Variants in AURKB observed in about 807,000 individuals in gnomAD.
AURKB encodes aurora kinase B-Sv1.
AURKB carries 28 observed loss-of-function variants against 36.5 expected under a neutral mutation model. That is an observed-to-expected ratio of 0.77 (90% CI 0.57 to 1.05). The LOEUF is 1.05. Ranked by LOEUF, AURKB falls within the 50% of genes least tolerant of loss-of-function variation. The pLI is 0.00. For synonymous variants in AURKB, 175 were observed against 172.9 expected (o/e 1.01, Z -0.09); for missense variants, 383 against 447.4 (o/e 0.86, Z 1.30).
chr17:8,207,736 A>G lies in AURKB; in HGVS notation c.151+2T>C. ...CAGTCCTCTCCCCCTTGCGCCAGTT[A>G]CCTGTGGGCTGGACATTGGAGCGGC... On this transcript the variant is annotated splice_donor_variant, in intron 3 of 8. Coordinates refer to ENST00000585124, the MANE Select transcript of AURKB (RefSeq NM_004217.4). LOFTEE classifies it high-confidence loss of function. The G allele has an allele frequency of 6.2e-7, 1 of 1,613,964 alleles. No homozygotes were observed. Among genetic ancestry groups the G allele is most frequent in the Non-Finnish European group, 8.5e-7 (1 of 1,179,928 alleles).
At position 8,210,238 on chromosome 17, in the gene AURKB, G is replaced by T; in HGVS notation, c.-14C>A. The T allele has an allele frequency of 1.9e-6, 3 of 1,597,090 alleles. No individual in the cohort carries two copies. Among genetic ancestry groups the T allele is most frequent in the Non-Finnish European group, 2.6e-6 (3 of 1,171,012 alleles). On this transcript the variant is annotated 5_prime_UTR_variant, in exon 2 of 9. Transcript: ENST00000585124. ...CTTCTGGGCCATCCTTAGAGAGAAA[G>T]GGGGAGGAGAGCTGGGCGGAGAAGG...
At position 8,206,512 on chromosome 17, in the gene AURKB, G is replaced by C; in HGVS notation, c.665C>G (p.Ser222Cys). 1 of 1,614,196 alleles carries C rather than the reference G, an allele frequency of 6.2e-7. No homozygotes were observed. The highest frequency in any genetic ancestry group is 8.5e-7 in the Non-Finnish European group (1 of 1,180,030). ...ATACCTCAGGGAGGGCGCATGCACA[G>C]ACCAGCCGAAGTCAGCAATCTTCAG... is the stretch of plus-strand genomic sequence containing the variant. ...GELKIADFGW[S>C]VHAPSLRRKT... Residue 222 changes from serine (S) to cysteine (C), a missense_variant, in exon 7 of 9, where the codon TCT (serine) becomes TGT (cysteine). Ser to Cys is a moderately radical substitution (Grantham distance 112, BLOSUM62 -1). Around this residue, in one of 3 missense-constraint regions of AURKB, gnomAD observed 219 missense variants for 252.6 expected, o/e 0.87. Coordinates refer to ENST00000585124, the MANE Select transcript of AURKB (RefSeq NM_004217.4). This position sits in a 1 kb window ranked among gnomAD's most constrained non-coding sequence, Gnocchi z 4.2.
At chr17:8,209,530 A>G (rs924227138) in intron 2 of AURKB, among the ~76,000 whole-genome samples, 1 of 152,208 alleles carries the variant, frequency 6.6e-6, no homozygotes, top group Non-Finnish European at 1.5e-5. Flanking sequence ...TTCTGCAGCC[A>G]AGAGAAGAAA....
At chr17:8,210,004 A>T (rs1985891389) in intron 2 of AURKB, 173 bp downstream of exon 2, 1 of 803,502 alleles carries the variant, frequency 1.2e-6, no homozygotes, top group Non-Finnish European at 2.0e-6. Context: ...ACCTGACAGG[A>T]TGTGGCTACA....
intron 7 of AURKB, 122 bp from the exon 8 acceptor site, chr17:8,205,512 A>C (rs1985134391): frequency 7.9e-7 from 1 of 1,271,538 alleles, no homozygotes; most frequent in Admixed American, 2.1e-5. Context: ...CCAGCCAGGC[A>C]AGGCCACTGG....
intron 2 of AURKB, 89 bp downstream of exon 2, chr17:8,210,088 A>G: frequency 6.6e-7 from 1 of 1,510,464 alleles, no homozygotes; most frequent in Non-Finnish European, 9.2e-7. Flanking sequence ...AAGTGCTTAA[A>G]GGATTGCTCA....
rs201950509 is a variant in AURKB, at chr17:8,210,239, G to C, written c.-15C>G. 6.3e-7 allele frequency: 1 copy of C among 1,595,274 alleles called. No individual in the cohort carries two copies. Among genetic ancestry groups the C allele is most frequent in the South Asian group, 1.1e-5 (1 of 88,534 alleles). ...TTCTGGGCCATCCTTAGAGAGAAAG[G>C]GGGAGGAGAGCTGGGCGGAGAAGGG... is the stretch of plus-strand genomic sequence containing the variant. On this transcript the variant is annotated 5_prime_UTR_variant, in exon 2 of 9. Coordinates refer to ENST00000585124, the MANE Select transcript of AURKB (RefSeq NM_004217.4).
intron 2 of AURKB, 200 bp downstream of exon 2, chr17:8,209,977 A>C: frequency 1.5e-6 from 1 of 660,466 alleles, no homozygotes; most frequent in Non-Finnish European, 2.6e-6. Flanking sequence ...CTGGCTGGTC[A>C]GATTCACGTT....
chr17:8,207,523 G>C, intron 4 of AURKB, 48 bp downstream of exon 4: 1 of 1,600,428 alleles, frequency 6.2e-7, no homozygotes, highest in South Asian at 1.1e-5. Context: ...CTTCCTGCCT[G>C]TTCATTGTCC....
At chr17:8,207,491 T>C in intron 4 of AURKB, 80 bp downstream of exon 4, 2 of 1,573,964 alleles carry the variant, frequency 1.3e-6, no homozygotes, top group Non-Finnish European at 1.7e-6. Flanking sequence ...ACTCCTCCCG[T>C]GCTTAGGTTT....
At chr17:8,210,403 G>C in intron 1 of AURKB, 127 bp downstream of exon 1, 1 of 641,888 alleles carries the variant, frequency 1.6e-6, no homozygotes, top group East Asian at 2.9e-5. Flanking sequence ...CACCGCCCCC[G>C]CCCTGCTATC....
chr17:8,208,554 G>A (rs967224531), intron 2 of AURKB, among the ~76,000 whole-genome samples: 5 of 151,752 alleles, frequency 3.3e-5, no homozygotes, highest in Non-Finnish European at 5.9e-5. Context: ...TCGCACCATT[G>A]CACTCCAGCC....
chr17:8,209,946 G>T, intron 2 of AURKB: 3 of 612,360 alleles, frequency 4.9e-6, no homozygotes, highest in East Asian at 5.6e-5. Context: ...CCCTGCAGAG[G>T]TCCTCACCAG....
At chr17:8,209,857 T>C (rs77071839) in intron 2 of AURKB, 3 of 425,458 alleles carry the variant, frequency 7.1e-6, no homozygotes, top group African/African-American at 2.1e-5. Context: ...TTTTTTTTTT[T>C]CAGGATATGG....
Position 8,205,373 on chromosome 17 carries a change from C to CCA in AURKB, c.702_703dup (p.Gly235ValfsTer11), listed in dbSNP as rs1159067642. The CCA allele has an allele frequency of 6.2e-7, 1 of 1,613,934 alleles. No individual in the cohort carries two copies. Among genetic ancestry groups the CCA allele is most frequent in the African/African-American group, 1.3e-5 (1 of 74,902 alleles). ...CTCTGGGGGCAGGTAGTCCAGGGTG[C>CCA]CACACATTGTCTTCCTCCTGGGAGG... On this transcript the variant is annotated frameshift_variant, in exon 8 of 9. Transcript: ENST00000585124. LOFTEE classifies it high-confidence loss of function.
chr17:8,209,666 A>G (rs1985848897), intron 2 of AURKB, among the ~76,000 whole-genome samples: 1 of 152,224 alleles, frequency 6.6e-6, no homozygotes, highest in Admixed American at 6.6e-5. Flanking sequence ...GGCATTTCAA[A>G]TCAGAGAGGA....
rs548720084 is a variant in AURKB, at chr17:8,204,963, G to A, written c.943C>T (p.Arg315Trp). The A allele has an allele frequency of 2.4e-5, 38 of 1,610,042 alleles. No individual in the cohort carries two copies. Among genetic ancestry groups the A allele is most frequent in the Admixed American group, 6.9e-5 (4 of 57,968 alleles). Residue 315 changes from arginine to tryptophan, a missense_variant, in exon 9 of 9, where the codon CGG (arginine) becomes TGG (tryptophan). Around this residue, in one of 3 missense-constraint regions of AURKB, gnomAD observed 219 missense variants for 252.6 expected, o/e 0.87. Coordinates refer to ENST00000585124, the MANE Select transcript of AURKB (RefSeq NM_004217.4). ...SKLLRHNPSE[R>W]LPLAQVSAHP... Reference sequence around the variant, plus strand: ...GCTGAGACCTGGGCCAGGGGCAGCCGTTCCGAGGGGTTATGCCTGAGCAGT... The same window carrying A: ...GCTGAGACCTGGGCCAGGGGCAGCCATTCCGAGGGGTTATGCCTGAGCAGT...
intron 2 of AURKB, chr17:8,209,845 GT>G (rs879603218): frequency 9.2e-3 from 3,301 of 357,380 alleles, no homozygotes; most frequent in East Asian, 0.012. Flanking sequence ...TTGCTGTCTA[GT>G]TTTTTTTTTT....
In AURKB at chr17:8,205,354, G is replaced by A; in HGVS notation, c.723C>T (p.Pro241=). 1 of 1,614,166 alleles carries A rather than the reference G, an allele frequency of 6.2e-7. No individual in the cohort carries two copies. The highest frequency in any genetic ancestry group is 8.5e-7 in the Non-Finnish European group (1 of 1,180,024). ...KTMCGTLDYL[P]PEMIEGRMHN... ...GCATGCGCCCCTCAATCATCTCTGGGGGCAGGTAGTCCAGGGTGCCACACA... is the reference window on the plus strand; with the variant it reads ...GCATGCGCCCCTCAATCATCTCTGGAGGCAGGTAGTCCAGGGTGCCACACA... Residue 241 remains proline (P), a synonymous_variant, in exon 8 of 9, where the codon CCC becomes CCT. Transcript: ENST00000585124.
Sources: gnomAD v4.1 joint callset for allele counts (sites outside exome capture counted in the v4.1 genomes callset) on GRCh38, gnomAD v4.1.1 for gene constraint, gnomAD v4.1.1 regional missense constraint, Gnocchi (gnomAD v3.1) non-coding constraint, MANE v1.5 for transcripts, NCBI Gene and HGNC (gene_info 2026-07-23, HGNC 2026-07-21) for gene names.